Variants in STK3 observed in about 807,000 individuals in gnomAD.
STK3 encodes the protein serine/threonine kinase 3, also known as serine/threonine-protein kinase 3.
In STK3, 41 loss-of-function variants were observed where a neutral mutation model predicts 58.0. The ratio of observed to expected loss-of-function variants is 0.71; its 90% CI spans 0.55 to 0.92. The LOEUF is 0.92. Among genes scored for constraint, STK3 ranks in the 40% least tolerant of loss-of-function variants. The probability of loss-of-function intolerance (pLI) is 0.00; values close to 1 mark genes in which losing one functional copy is unlikely to be tolerated. For missense variants in STK3, 479 were observed against 602.7 expected (o/e 0.79, Z 2.15); for synonymous variants, 170 against 191.0 (o/e 0.89, Z 0.91).
intron 1 of STK3, among the ~76,000 whole-genome samples, chr8:98,809,791 T>C (rs1464195969): frequency 6.6e-6 from 1 of 152,234 alleles, no homozygotes; most frequent in Non-Finnish European, 1.5e-5. Flanking sequence ...ATAATGCTGC[T>C]ATGAATATAG....
At position 98,742,009 on chromosome 8, in the gene STK3, C is replaced by T. The variant is rs1329555620; in HGVS notation, c.351+7267G>A. On this transcript the variant is annotated intron_variant, in intron 4 of 10. Coordinates refer to ENST00000419617, the MANE Select transcript of STK3 (RefSeq NM_006281.4). ...AAATGGATAAATTCCTCGACACATA[C>T]ACCCTCCCAAGACTAAACCAGGAAG... is the stretch of plus-strand genomic sequence containing the variant. Among the ~76,000 whole-genome samples the T allele has an allele frequency of 2.0e-5, 3 of 152,096 alleles. No homozygotes were observed. In the East Asian group the frequency reaches 5.8e-4, roughly 29 times the overall value.
At chr8:98,880,774 T>A (rs1407393625), downstream of STK3, 1 of 152,146 alleles carries the variant, frequency 6.6e-6, no homozygotes, top group African/African-American at 2.4e-5. Flanking sequence ...AACAAAAAAT[T>A]AGAAACTACT....
intron 3 of STK3, among the ~76,000 whole-genome samples, chr8:98,857,344 T>G (rs1286293001): frequency 6.6e-6 from 1 of 152,216 alleles, no homozygotes; most frequent in African/African-American, 2.4e-5. Context: ...AAGTTTAGCT[T>G]CATGGATCTG....
At chr8:98,442,690 T>C (rs940978309) in intron 1 of STK3, among the ~76,000 whole-genome samples, 2 of 152,246 alleles carry the variant, frequency 1.3e-5, no homozygotes, top group Non-Finnish European at 2.9e-5. Context: ...GGTCTGTCAT[T>C]CACCCTTGAT....
chr8:98,375,814 G>A (rs1274498713), intron 2 of STK3, among the ~76,000 whole-genome samples: 3 of 152,120 alleles, frequency 2.0e-5, no homozygotes, highest in Non-Finnish European at 4.4e-5. Flanking sequence ...TCATCTACTG[G>A]AGGACATTTG....
chr8:98,656,165 A>G (rs924445797), intron 6 of STK3, among the ~76,000 whole-genome samples: 5 of 152,230 alleles, frequency 3.3e-5, no homozygotes, highest in Admixed American at 3.3e-4. Flanking sequence ...ATAAAAAATG[A>G]TGAGTTCATG....
intron 6 of STK3, among the ~76,000 whole-genome samples, chr8:98,619,362 C>G (rs916731701): frequency 6.6e-6 from 1 of 151,518 alleles, no homozygotes; most frequent in Admixed American, 6.6e-5. Context: ...CATAAAAACC[C>G]TAGAAGAAAA....
At chr8:98,561,333 C>T (rs979349819) in intron 8 of STK3, among the ~76,000 whole-genome samples, 3 of 150,066 alleles carry the variant, frequency 2.0e-5, no homozygotes, top group African/African-American at 7.3e-5. Context: ...AGATATAGAC[C>T]TTACAGCTTT....
Position 98,774,569 on chromosome 8 carries a change from C to G in STK3, c.107+170G>C, listed in dbSNP as rs368240351. 3.9e-5 allele frequency among the ~76,000 whole-genome samples: 6 copies of G among 152,276 alleles called. No individual in the cohort carries two copies. In the South Asian group the frequency reaches 8.3e-4, roughly 21 times the overall value. ...ACTTTCTCTGAAAAAACACTATTACCAGATTTAGCACAAACTAATCTTTAA... is the reference window on the plus strand; with the variant it reads ...ACTTTCTCTGAAAAAACACTATTACGAGATTTAGCACAAACTAATCTTTAA... On this transcript the variant is annotated intron_variant, in intron 2 of 10. Transcript: ENST00000419617.
intron 6 of STK3, among the ~76,000 whole-genome samples, chr8:98,697,367 C>A (rs962839201): frequency 6.6e-6 from 1 of 152,136 alleles, no homozygotes; most frequent in Admixed American, 6.5e-5. Flanking sequence ...TTCAGTTCTA[C>A]TCTGATTTTA....
At chr8:98,467,575 T>G (rs1379512876) in intron 10 of STK3, among the ~76,000 whole-genome samples, 2 of 150,908 alleles carry the variant, frequency 1.3e-5, no homozygotes. Flanking sequence ...TGTGTGTGTG[T>G]GGCATCAAGT....
chr8:98,372,484 G>C (rs1279563372), intron 2 of STK3, among the ~76,000 whole-genome samples: 1 of 152,076 alleles, frequency 6.6e-6, no homozygotes, highest in African/African-American at 2.4e-5. Context: ...CTGCCCAGTG[G>C]GGTTTTTTGT....
intron 1 of STK3, among the ~76,000 whole-genome samples, chr8:98,889,154 C>A (rs190947253): frequency 4.9e-4 from 75 of 152,312 alleles, no homozygotes; most frequent in African/African-American, 1.5e-3. Flanking sequence ...AAGGAATTGC[C>A]TGGGAACCAT....
chr8:98,873,224 T>C (rs1045621184), intron 3 of STK3, among the ~76,000 whole-genome samples: 2 of 152,222 alleles, frequency 1.3e-5, no homozygotes, highest in Non-Finnish European at 2.9e-5. Context: ...TAATTTCTGT[T>C]CTTTTACATT....
chr8:98,693,420 C>T (rs1193821680), intron 6 of STK3, among the ~76,000 whole-genome samples: 1 of 152,020 alleles, frequency 6.6e-6, no homozygotes, highest in African/African-American at 2.4e-5. Flanking sequence ...GATGATGACA[C>T]AGACACTCAG....
At chr8:98,612,924 T>A (rs1239200275) in intron 6 of STK3, among the ~76,000 whole-genome samples, 2 of 152,198 alleles carry the variant, frequency 1.3e-5, no homozygotes, top group Non-Finnish European at 2.9e-5. Context: ...CCCCTAGCAG[T>A]GTCAGTAGAC....
intron 6 of STK3, among the ~76,000 whole-genome samples, chr8:98,645,645 C>G (rs570483127): frequency 2.6e-5 from 4 of 152,230 alleles, no homozygotes; most frequent in African/African-American, 9.6e-5. Context: ...GTGATTCATT[C>G]ATCTTTTAAT....
intron 3 of STK3, among the ~76,000 whole-genome samples, chr8:98,409,247 G>A (rs1055131941): frequency 1.3e-5 from 2 of 152,200 alleles, no homozygotes; most frequent in Admixed American, 1.3e-4. Flanking sequence ...GCAATGCTGA[G>A]TTCCATACAG....
intron 6 of STK3, among the ~76,000 whole-genome samples, chr8:98,626,360 C>T (rs1024038065): frequency 2.0e-5 from 3 of 152,188 alleles, no homozygotes; most frequent in African/African-American, 4.8e-5. Flanking sequence ...CAGAAAACTT[C>T]GGCCCACATG....
Sources: allele counts gnomAD v4.1 joint callset (sites outside exome capture counted in the v4.1 genomes callset), GRCh38; gene constraint gnomAD v4.1.1; transcripts MANE v1.5; gene names NCBI Gene and HGNC (gene_info 2026-07-23, HGNC 2026-07-21).